The following VEZF1 variants were observed in gnomAD, a reference collection of about 807,000 sequenced individuals.
VEZF1 encodes the protein vascular endothelial zinc finger 1.
Under a neutral mutation model 44.1 loss-of-function variants are expected in VEZF1, and 5 were observed. The observed-to-expected ratio is 0.11, with a 90% CI of 0.06 to 0.24. The LOEUF (loss-of-function observed/expected upper bound fraction) is 0.24, where lower values mean the gene tolerates loss of function less well. Among genes scored for constraint, VEZF1 ranks in the 10% least tolerant of loss-of-function variants. VEZF1 has a pLI of 1.00. For missense variants in VEZF1, 358 were observed against 641.8 expected (o/e 0.56, Z 4.78); for synonymous variants, 236 against 233.1 (o/e 1.01, Z -0.11).
At chr17:57,979,395 C>A (rs2075225128) in intron 4 of VEZF1, 82 bp from the exon 5 acceptor site, 2 of 1,575,948 alleles carry the variant, frequency 1.3e-6, no homozygotes, top group Admixed American at 1.7e-5. Flanking sequence ...TCTCATGCTT[C>A]TGTGATCTTA....
Position 57,985,811 on chromosome 17 carries a change from C to T in VEZF1, c.33+2268G>A, listed in dbSNP as rs74966864. On this transcript the variant is annotated intron_variant, in intron 1 of 5. Coordinates refer to ENST00000581208, the MANE Select transcript of VEZF1 (RefSeq NM_007146.3). ...CCTGTTAGAAGAATCATCCATCAAACATTTTAATAGCTATAGCTTTCACTT... is the reference window on the plus strand; with the variant it reads ...CCTGTTAGAAGAATCATCCATCAAATATTTTAATAGCTATAGCTTTCACTT... Among the ~76,000 whole-genome samples the T allele has an allele frequency of 1.3e-3, 192 of 152,310 alleles. 5 individuals are homozygous for T. The East Asian group carries it at 0.035, about 28-fold the overall frequency.
At chr17:57,982,625 A>G in intron 2 of VEZF1, 74 bp downstream of exon 2, 1 of 1,411,022 alleles carries the variant, frequency 7.1e-7, no homozygotes, top group Non-Finnish European at 9.6e-7. Flanking sequence ...TAAACATTCT[A>G]GATCACATGG....
intron 4 of VEZF1, among the ~76,000 whole-genome samples, chr17:57,979,843 A>G (rs570780702): frequency 5.9e-5 from 9 of 151,918 alleles, no homozygotes; most frequent in African/African-American, 2.2e-4. Context: ...GGCAGTGTGC[A>G]CCTGTAATCC....
chr17:57,979,434 T>G, intron 4 of VEZF1, 121 bp from the exon 5 acceptor site: 6 of 1,447,916 alleles, frequency 4.1e-6, no homozygotes, highest in Non-Finnish European at 5.5e-6. Context: ...TCTTAGTAAG[T>G]GCATCTTTTT....
Position 57,974,317 on chromosome 17 carries a change from A to C in VEZF1, c.*156T>G, listed in dbSNP as rs976985670. ...GTTACATACACACCCTACTTTGAAT[A>C]ATCCCAGCCAAATTGGAGAAAAATG... On this transcript the variant is annotated 3_prime_UTR_variant, in exon 6 of 6. Transcript: ENST00000581208. 1.7e-5 allele frequency: 15 copies of C among 880,678 alleles called. No individual in the cohort carries two copies. Among genetic ancestry groups the C allele is most frequent in the Admixed American group, 5.8e-5 (2 of 34,702 alleles). 54.6% of individuals were successfully genotyped at this position (880,678 alleles called of 1,614,324 possible).
chr17:57,980,715 T>C lies in VEZF1; in HGVS notation c.864A>G (p.Ser288=), dbSNP rs372001721. ...THMVRHEGKV[S]CNICGKLLSA... is the part of the protein sequence containing the mutation. ...TCAGGAGCTTCCCACAGATGTTACA[T>C]GATACCTTGCCTTCATGGCGCACCA... The change falls in exon 4 of 6, where the codon TCA becomes TCG. Residue 288 remains serine (S), a synonymous_variant. Transcript: ENST00000581208. The C allele has an allele frequency of 6.8e-6, 11 of 1,614,134 alleles. No individual in the cohort carries two copies. The African/African-American group carries it at 1.3e-4, about 20-fold the overall frequency.
intron 1 of VEZF1, among the ~76,000 whole-genome samples, chr17:57,987,512 G>A (rs1030109293): frequency 6.6e-6 from 1 of 152,166 alleles, no homozygotes; most frequent in Admixed American, 6.5e-5. Flanking sequence ...GGGGAACCTG[G>A]GGATACCCGC....
intron 3 of VEZF1, 111 bp from the exon 4 acceptor site, chr17:57,980,897 G>T: frequency 9.5e-7 from 1 of 1,052,362 alleles, no homozygotes; most frequent in South Asian, 1.6e-5. Context: ...CTGACAACTA[G>T]TTGAATTTTA....
intron 3 of VEZF1, among the ~76,000 whole-genome samples, chr17:57,981,607 CT>C (rs963018479): frequency 3.3e-5 from 5 of 152,020 alleles, no homozygotes; most frequent in Admixed American, 1.3e-4. Context: ...AAGACTGTAA[CT>C]TTTTTTTCCT....
chr17:57,974,412 C>T lies in VEZF1; in HGVS notation c.*61G>A. On this transcript the variant is annotated 3_prime_UTR_variant, in exon 6 of 6. Coordinates refer to ENST00000581208, the MANE Select transcript of VEZF1 (RefSeq NM_007146.3). Reference sequence around the variant, plus strand: ...ATGGTTTACTTTTTGCTTTAATCAACTAAAAGTTAAGTTGCTGGTAAATAT... The same window carrying T: ...ATGGTTTACTTTTTGCTTTAATCAATTAAAAGTTAAGTTGCTGGTAAATAT... The T allele has an allele frequency of 6.5e-7, 1 of 1,541,594 alleles. No individual in the cohort carries two copies. The highest frequency in any genetic ancestry group is 8.8e-7 in the Non-Finnish European group (1 of 1,137,632).
chr17:57,979,022 G>T, intron 5 of VEZF1, 130 bp downstream of exon 5: 2 of 1,219,650 alleles, frequency 1.6e-6, no homozygotes, highest in East Asian at 2.4e-5. Context: ...ATATTTCCCA[G>T]CATGCACTAT....
At chr17:57,979,448 T>C in intron 4 of VEZF1, 135 bp from the exon 5 acceptor site, 1 of 1,368,192 alleles carries the variant, frequency 7.3e-7, no homozygotes, top group Non-Finnish European at 9.8e-7. Flanking sequence ...TCTTTTTTGC[T>C]GCTGTGTCTA....
rs2143395082 is a variant in VEZF1 at position 57,988,161 on chromosome 17, C to T, written c.-50G>A. The T allele has an allele frequency of 1.7e-6, 1 of 581,384 alleles. No homozygotes were observed. The highest frequency in any genetic ancestry group is 2.4e-6 in the Non-Finnish European group (1 of 424,288). 36.0% of individuals were successfully genotyped at this position (581,384 alleles called of 1,614,324 possible). On this transcript the variant is annotated 5_prime_UTR_variant, in exon 1 of 6. Coordinates refer to ENST00000581208, the MANE Select transcript of VEZF1 (RefSeq NM_007146.3). Reference sequence around the variant, plus strand: ...TCCCCACTCCCCCCGCTCGGGGAGCCTCCTCAGCCGGAGGAGGCGACAACA... The same window carrying T: ...TCCCCACTCCCCCCGCTCGGGGAGCTTCCTCAGCCGGAGGAGGCGACAACA...
chr17:57,984,731 C>T (rs1334827222), intron 1 of VEZF1, among the ~76,000 whole-genome samples: 1 of 152,184 alleles, frequency 6.6e-6, no homozygotes, highest in Non-Finnish European at 1.5e-5. Context: ...ACATCTACCA[C>T]ACATTGCTTC....
chr17:57,986,288 T>C (rs1217611236), intron 1 of VEZF1: 1 of 152,234 alleles, frequency 6.6e-6, no homozygotes, highest in Admixed American at 6.5e-5. Context: ...TGTTATGGGT[T>C]TTTCCTTTAC....
At position 57,972,735 on chromosome 17, in the gene VEZF1, CAATTT is replaced by C. The variant is rs1324572647; in HGVS notation, c.*1733_*1737del. On this transcript the variant is annotated 3_prime_UTR_variant, in exon 6 of 6. Transcript: ENST00000581208. Reference sequence around the variant, plus strand: ...AGCTTTTATATATACAAAAGTTGTACAATTTAATGTCCTAAAGTACAAAAGATCAT... The same window carrying C: ...AGCTTTTATATATACAAAAGTTGTACAATGTCCTAAAGTACAAAAGATCAT... 1 of 152,464 alleles carries C rather than the reference CAATTT, an allele frequency of 6.6e-6. No individual in the cohort carries two copies. The highest frequency in any genetic ancestry group is 1.5e-5 in the Non-Finnish European group (1 of 68,028). The allele number at this position is 152,464 out of a possible 1,614,324, so 9.4% of individuals were successfully genotyped here. A position where few individuals can be genotyped will look rare whatever the true frequency, so the allele number is the denominator to read the frequency against.
At position 57,983,820 on chromosome 17, in the gene VEZF1, A is replaced by G. The variant is rs1489703675; in HGVS notation, c.34-427T>C. On this transcript the variant is annotated intron_variant, in intron 1 of 5. Coordinates refer to ENST00000581208, the MANE Select transcript of VEZF1 (RefSeq NM_007146.3). ...TACACACTCACATACATGCAATAAC[A>G]CAATCATCTATTTGTCTATTATCCA... is the stretch of plus-strand genomic sequence containing the variant. Among the ~76,000 whole-genome samples the G allele has an allele frequency of 2.0e-5, 3 of 152,218 alleles. No homozygotes were observed. In the East Asian group the frequency reaches 5.8e-4, roughly 29 times the overall value.
chr17:57,986,776 AT>A (rs1422294973), intron 1 of VEZF1, among the ~76,000 whole-genome samples: 2 of 152,210 alleles, frequency 1.3e-5, no homozygotes, highest in Non-Finnish European at 2.9e-5. Context: ...TGGGAGAATA[AT>A]TTTTTGAAAA....
Position 57,979,231 on chromosome 17 carries a change from T to G in VEZF1, c.1059A>C (p.Gln353His), listed in dbSNP as rs780765200. Residue 353 changes from glutamine (Q) to histidine (H), a missense_variant, in exon 5 of 6, where the codon CAA becomes CAC. Physicochemically the swap from Gln to His is conservative, Grantham distance 24 (BLOSUM62 0). Coordinates refer to ENST00000581208, the MANE Select transcript of VEZF1 (RefSeq NM_007146.3). ...QQQQQQQQQQ[Q>H]QHVTSWPGKQ... ...TCCCTGGCCAGCTTGTCACATGTTG[T>G]TGTTGTTGTTGTTGCTGCTGCTGCT... The G allele has an allele frequency of 6.2e-7, 1 of 1,611,656 alleles. No individual in the cohort carries two copies. The highest frequency in any genetic ancestry group is 1.4e-5 in the African/African-American group (1 of 73,872).
Sources: allele counts gnomAD v4.1 joint callset (sites outside exome capture counted in the v4.1 genomes callset), GRCh38; gene constraint gnomAD v4.1.1; transcripts MANE v1.5; gene names NCBI Gene and HGNC (gene_info 2026-07-23, HGNC 2026-07-21).